Variants in ADCY2 observed in about 807,000 individuals in gnomAD.
ADCY2 encodes adenylate cyclase 2.
In ADCY2, 31 loss-of-function variants were observed where a neutral mutation model predicts 125.2. The ratio of observed to expected loss-of-function variants is 0.25; its 90% confidence interval spans 0.19 to 0.33. The LOEUF is 0.33. Ranked by LOEUF, ADCY2 falls within the 10% of genes least tolerant of loss-of-function variation. ADCY2 has a pLI of 1.00. For synonymous variants in ADCY2, 512 were observed against 548.4 expected (o/e 0.93, Z 0.93); for missense variants, 904 against 1,418.2 (o/e 0.64, Z 5.82).
intron 14 of ADCY2, among the ~76,000 whole-genome samples, chr5:7,729,757 G>T (rs1161719348): frequency 2.7e-5 from 4 of 148,200 alleles, no homozygotes; most frequent in African/African-American, 9.8e-5. Context: ...AAAGTTCATA[G>T]AATATACATC....
At chr5:7,407,060 A>T (rs908422711) in intron 1 of ADCY2, among the ~76,000 whole-genome samples, 2 of 152,200 alleles carry the variant, frequency 1.3e-5, no homozygotes, top group African/African-American at 4.8e-5. Context: ...TTTGGTTTTC[A>T]ACAATGGGTT....
chr5:7,685,577 G>A (rs1740495449), intron 4 of ADCY2, among the ~76,000 whole-genome samples: 1 of 152,210 alleles, frequency 6.6e-6, no homozygotes. Context: ...AAGAGTAAGA[G>A]TTTTAACTGA....
At chr5:7,542,736 C>A (rs756426865) in intron 3 of ADCY2, among the ~76,000 whole-genome samples, 1 of 152,190 alleles carries the variant, frequency 6.6e-6, no homozygotes, top group African/African-American at 2.4e-5. Context: ...TCAAGGGTAG[C>A]CATTTTTACT....
chr5:7,449,815 T>C (rs1741407016), intron 2 of ADCY2, among the ~76,000 whole-genome samples: 1 of 152,248 alleles, frequency 6.6e-6, no homozygotes, highest in African/African-American at 2.4e-5. Flanking sequence ...TGCTCACTTA[T>C]GTCACTGTGT....
rs1744620855 is a variant in ADCY2, at chr5:7,802,266, A to G, written c.2677A>G (p.Ile893Val). Residue 893 changes from isoleucine to valine, a missense_variant, in exon 21 of 25, where the codon ATT (isoleucine) becomes GTT (valine). Physicochemically the swap from Ile to Val is conservative, Grantham distance 29 (BLOSUM62 3). Around this residue, in one of 7 missense-constraint regions of ADCY2, gnomAD observed 181 missense variants for 381.6 expected, o/e 0.47. Coordinates refer to ENST00000338316, the MANE Select transcript of ADCY2 (RefSeq NM_020546.3). This position sits in a 1 kb window ranked among gnomAD's most constrained non-coding sequence, Gnocchi z 4.6. ...YDCVCVMFASIPDFKEFYTES... is the reference protein window; with the variant it reads ...YDCVCVMFASVPDFKEFYTES... ...CTGCGTCTGCGTCATGTTTGCCTCCATTCCGGATTTCAAAGAATTTTATAC... is the reference window on the plus strand; with the variant it reads ...CTGCGTCTGCGTCATGTTTGCCTCCGTTCCGGATTTCAAAGAATTTTATAC... The G allele has an allele frequency of 6.2e-7, 1 of 1,614,108 alleles. No individual in the cohort carries two copies. Among genetic ancestry groups the G allele is most frequent in the Non-Finnish European group, 8.5e-7 (1 of 1,179,944 alleles).
At chr5:7,436,578 G>T (rs1221695894) in intron 2 of ADCY2, among the ~76,000 whole-genome samples, 1 of 152,180 alleles carries the variant, frequency 6.6e-6, no homozygotes, top group Non-Finnish European at 1.5e-5. Context: ...GGAATTTCAG[G>T]ATTAAAATTC....
intron 14 of ADCY2, among the ~76,000 whole-genome samples, chr5:7,738,525 GGC>G (rs202120825): frequency 6.6e-6 from 1 of 151,760 alleles, no homozygotes; most frequent in African/African-American, 2.4e-5. Context: ...AAAGCAATGG[GGC>G]AAATAAACAA....
chr5:7,718,837 A>G (rs1374260647), intron 12 of ADCY2, among the ~76,000 whole-genome samples: 1 of 152,100 alleles, frequency 6.6e-6, no homozygotes, highest in Non-Finnish European at 1.5e-5. Flanking sequence ...AACAGCAGCT[A>G]AAACCTAGGG....
At chr5:7,726,986 G>T (rs1490413507) in intron 13 of ADCY2, among the ~76,000 whole-genome samples, 178 bp from the exon 14 acceptor site, 4 of 152,200 alleles carry the variant, frequency 2.6e-5, no homozygotes, top group African/African-American at 9.6e-5. Flanking sequence ...CACAGTTCAT[G>T]TGGGGGAAGG....
chr5:7,734,391 G>A (rs377453924), intron 14 of ADCY2, among the ~76,000 whole-genome samples: 1 of 152,068 alleles, frequency 6.6e-6, no homozygotes, highest in South Asian at 2.1e-4. Context: ...TTCATTGACT[G>A]GGAAAAAAAG....
At chr5:7,462,301 A>G (rs1741943754) in intron 2 of ADCY2, among the ~76,000 whole-genome samples, 1 of 152,226 alleles carries the variant, frequency 6.6e-6, no homozygotes, top group Non-Finnish European at 1.5e-5. Context: ...ATTAATGAAA[A>G]TGTTTAAAAA....
intron 3 of ADCY2, among the ~76,000 whole-genome samples, chr5:7,559,528 A>G (rs1274172958): frequency 1.3e-5 from 2 of 152,154 alleles, no homozygotes; most frequent in African/African-American, 2.4e-5. Context: ...TTGATTTTAT[A>G]TCCTGAGACT....
chr5:7,695,631 T>C, intron 5 of ADCY2, 121 bp from the exon 6 acceptor site: 1 of 500,362 alleles, frequency 2.0e-6, no homozygotes, highest in South Asian at 3.6e-5. Flanking sequence ...AATGACCTCT[T>C]ACTCATGAAA....
chr5:7,702,798 ACCACACTGTCTT>A (rs1215816667), intron 7 of ADCY2, among the ~76,000 whole-genome samples: 1 of 152,194 alleles, frequency 6.6e-6, no homozygotes, highest in Non-Finnish European at 1.5e-5. Flanking sequence ...TTGAGGAATC[ACCACACTGTCTT>A]CCACAATGGT....
chr5:7,613,160 T>TA (rs5865721), intron 3 of ADCY2, among the ~76,000 whole-genome samples: 38 of 124,228 alleles, frequency 3.1e-4, no homozygotes, highest in African/African-American at 9.6e-4. Context: ...AGTATAATAA[T>TA]AAAAAAAAAA....
intron 3 of ADCY2, among the ~76,000 whole-genome samples, chr5:7,554,356 G>A (rs1407743396): frequency 6.6e-6 from 1 of 152,144 alleles, no homozygotes; most frequent in Non-Finnish European, 1.5e-5. Flanking sequence ...ATTCTAAACA[G>A]TAAACATACT....
At chr5:7,760,345 C>T (rs543213614) in intron 16 of ADCY2, among the ~76,000 whole-genome samples, 16 of 152,314 alleles carry the variant, frequency 1.1e-4, no homozygotes, top group Admixed American at 2.0e-4. Flanking sequence ...GAGACTGGGT[C>T]GGAAGTTGAC....
At chr5:7,720,097 A>G (rs374957975) in intron 12 of ADCY2, among the ~76,000 whole-genome samples, 2 of 152,192 alleles carry the variant, frequency 1.3e-5, no homozygotes, top group African/African-American at 4.8e-5. Context: ...TCTTCATGCC[A>G]TAGACCACTG....
At chr5:7,738,287 T>G (rs1399433818) in intron 14 of ADCY2, among the ~76,000 whole-genome samples, 1 of 151,992 alleles carries the variant, frequency 6.6e-6, no homozygotes, top group Admixed American at 6.6e-5. Context: ...GCCAAATAAC[T>G]AATGATAAGT....
Sources: gnomAD v4.1 joint callset for allele counts (sites outside exome capture counted in the v4.1 genomes callset) on GRCh38, gnomAD v4.1.1 for gene constraint, gnomAD v4.1.1 regional missense constraint, Gnocchi (gnomAD v3.1) non-coding constraint, MANE v1.5 for transcripts, NCBI Gene and HGNC (gene_info 2026-07-23, HGNC 2026-07-21) for gene names.